POLR3G: variants seen among roughly 807,000 people sequenced by gnomAD.
The protein encoded by POLR3G is RNA polymerase III subunit G, also known as DNA-directed RNA polymerase III subunit RPC7.
Under a neutral mutation model 30.1 loss-of-function variants are expected in POLR3G, and 28 were observed. The observed-to-expected ratio is 0.93, with a 90% CI of 0.69 to 1.27. POLR3G has a LOEUF of 1.27. POLR3G is among the 50% of genes most tolerant of loss of function. The probability of loss-of-function intolerance (pLI) is 0.00; values close to 1 mark genes in which losing one functional copy is unlikely to be tolerated. For synonymous variants in POLR3G, 79 were observed against 82.5 expected, an observed-to-expected ratio of 0.96 and a Z score of 0.23; for missense variants, 254 against 264.6, an observed-to-expected ratio of 0.96 and a Z score of 0.28.
rs1488735934 is a variant in POLR3G, at chr5:90,488,129, G to A, written c.247G>A (p.Asp83Asn). 6.2e-7 allele frequency: 1 copy of A among 1,606,698 alleles called. No homozygotes were observed. The highest frequency in any genetic ancestry group is 8.5e-7 in the Non-Finnish European group (1 of 1,177,078). The change falls in exon 3 of 8, where the codon GAT becomes AAT. Residue 83 changes from aspartate (D) to asparagine (N), a missense_variant and splice_region_variant. Asp to Asn is a conservative substitution (Grantham distance 23, BLOSUM62 1). Transcript: ENST00000651687. ...TATTGAAACACCTGAAGAAAGACAAGGTACTGTATTGGAGTCTTTGATTAT... is the reference window on the plus strand; with the variant it reads ...TATTGAAACACCTGAAGAAAGACAAAGTACTGTATTGGAGTCTTTGATTAT... ...YFIETPEERQ[D>N]IERYSKRYMK...
chr5:90,488,272 C>A, intron 3 of POLR3G, 143 bp downstream of exon 3: 1 of 600,368 alleles, frequency 1.7e-6, no homozygotes, highest in Non-Finnish European at 2.5e-6. Flanking sequence ...ATTTATGTTG[C>A]TTTAACAGAA....
intron 5 of POLR3G, among the ~76,000 whole-genome samples, chr5:90,498,139 C>T (rs534598514): frequency 1.3e-5 from 2 of 152,166 alleles, no homozygotes; most frequent in East Asian, 1.9e-4. Context: ...CTCTCCCTCT[C>T]TCTGTCCCCC....
At chr5:90,498,032 C>T (rs1247147513) in intron 5 of POLR3G, among the ~76,000 whole-genome samples, 1 of 152,078 alleles carries the variant, frequency 6.6e-6, no homozygotes, top group Non-Finnish European at 1.5e-5. Context: ...ATCACTTGAG[C>T]CAAAGAGGCA....
At chr5:90,508,983 C>T (rs954772300) in intron 7 of POLR3G, among the ~76,000 whole-genome samples, 3 of 152,178 alleles carry the variant, frequency 2.0e-5, no homozygotes, top group African/African-American at 4.8e-5. Context: ...ATCACTTGAA[C>T]CCAGAAAGCA....
rs190809292 is a variant in POLR3G, at chr5:90,482,738, A to G, written c.-43-2787A>G. On this transcript the variant is annotated intron_variant, in intron 1 of 7. Transcript: ENST00000651687. ...CTGATCTTGTGGCCCCCACCCAGGA[A>G]CTGACTCAGCAGAAGAGAACAGCTT... 2.1e-4 allele frequency among the ~76,000 whole-genome samples: 32 copies of G among 152,260 alleles called. 1 individual carries two copies. Among genetic ancestry groups the G allele is most frequent in the African/African-American group, 6.7e-4 (28 of 41,558 alleles).
At chr5:90,506,480 A>G (rs1336912288) in intron 6 of POLR3G, 48 bp from the exon 7 acceptor site, 1 of 1,579,238 alleles carries the variant, frequency 6.3e-7, no homozygotes, top group Non-Finnish European at 8.6e-7. Flanking sequence ...CAGGGAAGTC[A>G]GCAGTCTAGT....
chr5:90,505,720 G>GA (rs1314435876), intron 6 of POLR3G, among the ~76,000 whole-genome samples: 3 of 152,078 alleles, frequency 2.0e-5, no homozygotes, highest in Admixed American at 6.5e-5. Flanking sequence ...TAATGAGAGA[G>GA]AAAAAAGATA....
upstream of POLR3G, chr5:90,474,820 G>A: frequency 5.6e-6 from 1 of 178,562 alleles, no homozygotes; most frequent in Middle Eastern, 2.4e-3. Context: ...TGCCGAGGGG[G>A]TGGGGCCTTC....
upstream of POLR3G, chr5:90,473,960 C>T (rs767902861): frequency 2.6e-5 from 41 of 1,600,654 alleles, no homozygotes; most frequent in Non-Finnish European, 3.2e-5. Flanking sequence ...CAAAGTTGTC[C>T]CCGCGAGCCA....
At chr5:90,474,056 G>A (rs35599358), upstream of POLR3G, 3 of 1,583,050 alleles carry the variant, frequency 1.9e-6, no homozygotes, top group South Asian at 2.3e-5. Flanking sequence ...GGGTGGCCAC[G>A]GCAAGCAGTG....
At chr5:90,507,772 A>G (rs1400162437) in intron 7 of POLR3G, among the ~76,000 whole-genome samples, 1 of 152,236 alleles carries the variant, frequency 6.6e-6, no homozygotes, top group Non-Finnish European at 1.5e-5. Flanking sequence ...TAAATATGTC[A>G]CATTTGTGGT....
chr5:90,473,935 G>C, upstream of POLR3G: 2 of 1,604,922 alleles, frequency 1.2e-6, no homozygotes, highest in East Asian at 2.2e-5. Flanking sequence ...CTATCGGAAA[G>C]CCAGGTCACG....
At chr5:90,487,540 C>T (rs1287913707) in intron 2 of POLR3G, among the ~76,000 whole-genome samples, 2 of 151,452 alleles carry the variant, frequency 1.3e-5, no homozygotes, top group Non-Finnish European at 2.9e-5. Flanking sequence ...TACAGGTGCC[C>T]GCCACCATGC....
In POLR3G at chr5:90,478,582, T is replaced by TTTTTTTTTTTTTG. The variant is rs1360084389; in HGVS notation, c.-44+3566_-44+3567insTTTTTTTTGTTTT. 1.4e-4 allele frequency among the ~76,000 whole-genome samples: 20 copies of TTTTTTTTTTTTTG among 142,554 alleles called. 1 individual carries two copies. The highest frequency in any genetic ancestry group is 2.7e-4 in the Non-Finnish European group (18 of 65,530). The allele number at this position is 142,554 out of a possible 152,430, so 93.5% of individuals were successfully genotyped here. A position where few individuals can be genotyped will look rare whatever the true frequency, so the allele number is the denominator to read the frequency against. The stretch of plus-strand genomic sequence containing the variant: ...ATCTGCGTGGTTCTTTTTTTTTTTT[T>TTTTTTTTTTTTTG]TTTTGAGAGGGAGCCTCACTCTGTC... On this transcript the variant is annotated intron_variant, in intron 1 of 7. Coordinates refer to ENST00000651687, the MANE Select transcript of POLR3G (RefSeq NM_006467.3).
intron 3 of POLR3G, chr5:90,490,616 T>C (rs766081624): frequency 5.0e-5 from 20 of 399,706 alleles, no homozygotes; most frequent in Admixed American, 2.0e-4. Flanking sequence ...GCTTTTTTGC[T>C]CACACTGGTC....
upstream of POLR3G, chr5:90,474,251 A>G (rs1750650919): frequency 6.2e-7 from 1 of 1,613,520 alleles, no homozygotes; most frequent in Admixed American, 1.7e-5. Context: ...AGAAGATACC[A>G]TCGCCTAGAG....
chr5:90,483,537 G>C (rs1316466547), intron 1 of POLR3G, among the ~76,000 whole-genome samples: 2 of 152,170 alleles, frequency 1.3e-5, no homozygotes, highest in Non-Finnish European at 2.9e-5. Flanking sequence ...GGGCACGGTG[G>C]CTCATGCCTA....
At chr5:90,509,665 T>C (rs1279139419) in intron 7 of POLR3G, among the ~76,000 whole-genome samples, 1 of 152,148 alleles carries the variant, frequency 6.6e-6, no homozygotes, top group Non-Finnish European at 1.5e-5. Flanking sequence ...GAGTGGACAC[T>C]TGCAGGGAGA....
Position 90,512,817 on chromosome 5 carries a change from A to G in POLR3G, c.*678A>G, listed in dbSNP as rs1190332316. The G allele has an allele frequency of 6.6e-6, 1 of 152,294 alleles. No homozygotes were observed. The highest frequency in any genetic ancestry group is 2.4e-5 in the African/African-American group (1 of 41,464). 9.4% of individuals were successfully genotyped at this position (152,294 alleles called of 1,614,324 possible). On this transcript the variant is annotated 3_prime_UTR_variant, in exon 8 of 8. Transcript: ENST00000651687. ...ACTTGAATTTGAGACTTAATACTGT[A>G]TATGAATTAATCATCCCACTGTAAT... is the stretch of plus-strand genomic sequence containing the variant.
Sources: allele counts gnomAD v4.1 joint callset (sites outside exome capture counted in the v4.1 genomes callset), GRCh38; gene constraint gnomAD v4.1.1; transcripts MANE v1.5; gene names NCBI Gene and HGNC (gene_info 2026-07-23, HGNC 2026-07-21).